The following GCN1 variants were observed in gnomAD, a reference collection of about 807,000 sequenced individuals.
The protein encoded by GCN1 is GCN1 activator of EIF2AK4, also known as stalled ribosome sensor GCN1.
GCN1 carries 90 observed loss-of-function variants against 288.4 expected under a neutral mutation model. The ratio of observed to expected loss-of-function variants is 0.31; its 90% CI spans 0.26 to 0.37. GCN1 has a LOEUF of 0.37. Ranked by LOEUF, GCN1 falls within the 10% of genes least tolerant of loss-of-function variation. GCN1 has a pLI of 1.00. For synonymous variants in GCN1, 1,386 were observed against 1,420.2 expected, an observed-to-expected ratio of 0.98 and a Z score of 0.54; for missense variants, 2,586 against 3,419.9, an observed-to-expected ratio of 0.76 and a Z score of 6.08.
Position 120,134,649 on chromosome 12 carries a change from C to A in GCN1, c.7086G>T (p.Gly2362=). 3 of 1,613,834 alleles carry A rather than the reference C, an allele frequency of 1.9e-6. No individual in the cohort carries two copies. The highest frequency in any genetic ancestry group is 2.5e-6 in the Non-Finnish European group (3 of 1,179,950). ...GAGCATCTGCGGCCTTCAGGCGCAC[C>A]CCCCGGTTGGAGTCCTGCAGGGCTT... ...FTKALQDSNR[G]VRLKAADALG... Residue 2362 remains glycine, a synonymous_variant, in exon 52 of 58, where the codon GGG becomes GGT. Transcript: ENST00000300648. This position sits in a 1 kb window ranked among gnomAD's most constrained non-coding sequence, Gnocchi z 5.0.
At position 120,163,333 on chromosome 12, in the gene GCN1, C is replaced by T. The variant is rs114377980; in HGVS notation, c.1849-74G>A. On this transcript the variant is annotated intron_variant, in intron 18 of 57. Transcript: ENST00000300648. Reference sequence around the variant, plus strand: ...TGGAACACAGGAACCAAATATGCTACGGACACAGCGGCCCCTCACTCAGTT... The same window carrying T: ...TGGAACACAGGAACCAAATATGCTATGGACACAGCGGCCCCTCACTCAGTT... 1.2e-3 allele frequency: 1,396 copies of T among 1,182,230 alleles called. 12 individuals are homozygous for T. The African/African-American group carries it at 0.018, about 15-fold the overall frequency. The allele number at this position is 1,182,230 out of a possible 1,614,324, so 73.2% of individuals were successfully genotyped here. A position where few individuals can be genotyped will look rare whatever the true frequency, so the allele number is the denominator to read the frequency against.
chr12:120,186,999 A>G (rs1328210234), intron 2 of GCN1, among the ~76,000 whole-genome samples: 1 of 152,222 alleles, frequency 6.6e-6, no homozygotes, highest in East Asian at 1.9e-4. Context: ...GAAAGTGACC[A>G]GAAAAACCGT....
At chr12:120,191,448 A>T (rs573229531) in intron 1 of GCN1, among the ~76,000 whole-genome samples, 1 of 152,334 alleles carries the variant, frequency 6.6e-6, no homozygotes, top group Admixed American at 6.5e-5. Flanking sequence ...CAGGTTGTGG[A>T]TTCATAAGCC....
rs1285835208 is a variant in GCN1 at position 120,137,658 on chromosome 12, C to G, written c.6550G>C (p.Ala2184Pro). 1.9e-6 allele frequency: 3 copies of G among 1,614,136 alleles called. No homozygotes were observed. The highest frequency in any genetic ancestry group is 2.5e-6 in the Non-Finnish European group (3 of 1,180,022). ...CTCCGCAGGTGGCTGGTGTAGTCAG[C>G]CTTTGAGCGGGAACAGTAGATGTTG... ...ILNIYCSRSKADYTSHLRSLV... is the reference protein window; with the variant it reads ...ILNIYCSRSKPDYTSHLRSLV... Residue 2184 changes from alanine to proline, a missense_variant, in exon 49 of 58, where the codon GCT becomes CCT. Ala to Pro is a conservative substitution (Grantham distance 27). Around this residue, in one of 8 missense-constraint regions of GCN1, gnomAD observed 437 missense variants for 570.5 expected, o/e 0.77. Coordinates refer to ENST00000300648, the MANE Select transcript of GCN1 (RefSeq NM_006836.2). This position sits in a 1 kb window ranked among gnomAD's most constrained non-coding sequence, Gnocchi z 5.2.
chr12:120,174,042 C>A, intron 13 of GCN1, 29 bp downstream of exon 13: 1 of 1,324,198 alleles, frequency 7.6e-7, no homozygotes, highest in Non-Finnish European at 1.1e-6. Context: ...GAGTACAGAA[C>A]GCATGCTCAC....
At chr12:120,133,210 T>G (rs983312155) in intron 53 of GCN1, among the ~76,000 whole-genome samples, 2 of 151,658 alleles carry the variant, frequency 1.3e-5, no homozygotes, top group Admixed American at 6.6e-5. Context: ...TGTGTGTGGG[T>G]GTGTGTGTGT....
rs1279401268 is a variant in GCN1, at chr12:120,148,324, T to C, written c.4569A>G (p.Ala1523=). 3 of 1,613,720 alleles carry C rather than the reference T, an allele frequency of 1.9e-6. No individual in the cohort carries two copies. The highest frequency in any genetic ancestry group is 2.2e-5 in the East Asian group (1 of 44,874). Reference sequence around the variant, plus strand: ...GCTGCTTAGGAGCACAGTACGCCATTGCCCCAAGAAGCTCCACTGACCCTG... The same window carrying C: ...GCTGCTTAGGAGCACAGTACGCCATCGCCCCAAGAAGCTCCACTGACCCTG... ...TKAGSVELLG[A]MAYCAPKQLS... Residue 1523 remains alanine (A), a synonymous_variant, in exon 37 of 58, where the codon GCA becomes GCG. Coordinates refer to ENST00000300648, the MANE Select transcript of GCN1 (RefSeq NM_006836.2).
In GCN1 at chr12:120,173,657, G is replaced by A. The variant is rs1345136552; in HGVS notation, c.1362C>T (p.Tyr454=). The change falls in exon 14 of 58, where the codon TAC becomes TAT. Residue 454 remains tyrosine, a synonymous_variant. Transcript: ENST00000300648. ...TAGCCCTGGGAGTTGTCTTACCCCGGTAAGAGGCCAACATGCACTGCAGGT... is the reference window on the plus strand; with the variant it reads ...TAGCCCTGGGAGTTGTCTTACCCCGATAAGAGGCCAACATGCACTGCAGGT... ...HAYLQCMLAS[Y]RGDTLLQALD... is the part of the protein sequence containing the mutation. The A allele has an allele frequency of 1.2e-6, 2 of 1,602,414 alleles. No individual in the cohort carries two copies. Among genetic ancestry groups the A allele is most frequent in the East Asian group, 2.2e-5 (1 of 44,838 alleles).
intron 16 of GCN1, among the ~76,000 whole-genome samples, chr12:120,167,349 T>A: frequency 9.7e-6 from 1 of 102,670 alleles, no homozygotes; most frequent in Non-Finnish European, 1.8e-5. Flanking sequence ...CGAAACTCCA[T>A]CTCAAAAAAA....
intron 42 of GCN1, among the ~76,000 whole-genome samples, chr12:120,143,588 G>A (rs60150098): frequency 0.35 from 42,045 of 118,980 alleles, 8,529 homozygotes; most frequent in African/African-American, 0.6. Flanking sequence ...TCTCAAAAAG[G>A]AAAAAAAAAA....
chr12:120,163,265 T>G lies in GCN1; in HGVS notation c.1849-6A>C, dbSNP rs768358798. 4.0e-5 allele frequency: 65 copies of G among 1,611,288 alleles called. No individual in the cohort carries two copies. Among genetic ancestry groups the G allele is most frequent in the Non-Finnish European group, 5.1e-5 (60 of 1,177,676 alleles). On this transcript the variant is annotated splice_region_variant and splice_polypyrimidine_tract_variant and intron_variant, in intron 18 of 57. Coordinates refer to ENST00000300648, the MANE Select transcript of GCN1 (RefSeq NM_006836.2). ...AAAGCCTCTAAGGGCAGCACCTGTG[T>G]GGAGACACATGAGATAATACTGCTA...
At position 120,168,812 on chromosome 12, in the gene GCN1, C is replaced by T. The variant is rs541304311; in HGVS notation, c.1520-512G>A. Among the ~76,000 whole-genome samples the T allele has an allele frequency of 3.9e-5, 6 of 152,232 alleles. No homozygotes were observed. In the South Asian group the frequency reaches 8.3e-4, roughly 21 times the overall value. On this transcript the variant is annotated intron_variant, in intron 15 of 57. Coordinates refer to ENST00000300648, the MANE Select transcript of GCN1 (RefSeq NM_006836.2). Reference sequence around the variant, plus strand: ...ACGGATATATTTCTGTATTTCCTCGCGCCTACTGTGAAGTAAGCACCCTGA... The same window carrying T: ...ACGGATATATTTCTGTATTTCCTCGTGCCTACTGTGAAGTAAGCACCCTGA...
chr12:120,176,948 T>G (rs1353644073), intron 9 of GCN1, among the ~76,000 whole-genome samples: 2 of 152,162 alleles, frequency 1.3e-5, no homozygotes, highest in Admixed American at 1.3e-4. Flanking sequence ...GTATTTTTAT[T>G]AGAGACAGGG....
Position 120,139,088 on chromosome 12 carries a change from T to C in GCN1, c.5995-232A>G, listed in dbSNP as rs145826739. 1,143 of 355,758 alleles carry C rather than the reference T, an allele frequency of 3.2e-3. 25 individuals carry two copies. Among genetic ancestry groups the C allele is most frequent in the African/African-American group, 0.023 (1,066 of 47,336 alleles). 22.0% of individuals were successfully genotyped at this position (355,758 alleles called of 1,614,324 possible). ...ACTTTGGGAGGCCAAGGTGGGCGGATGACTTGAGGCCAGGAGTTCGAGACC... is the reference window on the plus strand; with the variant it reads ...ACTTTGGGAGGCCAAGGTGGGCGGACGACTTGAGGCCAGGAGTTCGAGACC... On this transcript the variant is annotated intron_variant, in intron 45 of 57. Coordinates refer to ENST00000300648, the MANE Select transcript of GCN1 (RefSeq NM_006836.2).
Position 120,156,056 on chromosome 12 carries a change from T to C in GCN1, c.3313-337A>G, listed in dbSNP as rs1417732799. On this transcript the variant is annotated intron_variant, in intron 28 of 57. Coordinates refer to ENST00000300648, the MANE Select transcript of GCN1 (RefSeq NM_006836.2). The surrounding 1 kb of genome is among the most constrained non-coding windows in gnomAD (Gnocchi z 5.8). ...AAGCCAGTGAAAACTCTGTCACATA[T>C]CAATAGCAGGAGGCTGTGGATCAGC... Among the ~76,000 whole-genome samples the C allele has an allele frequency of 3.3e-5, 5 of 152,324 alleles. No homozygotes were observed. The East Asian group carries it at 9.6e-4, about 29-fold the overall frequency.
chr12:120,178,203 C>T (rs771647993), intron 7 of GCN1, among the ~76,000 whole-genome samples: 3 of 152,184 alleles, frequency 2.0e-5, no homozygotes, highest in African/African-American at 7.2e-5. Context: ...TGGAGTCTCA[C>T]GACTTCTCAC....
chr12:120,130,881 C>T (rs1257372904), intron 55 of GCN1, 128 bp from the exon 56 acceptor site: 2 of 634,800 alleles, frequency 3.2e-6, no homozygotes, highest in East Asian at 2.7e-5. Context: ...TACACCATGA[C>T]AGCTCTCAGG....
Position 120,156,694 on chromosome 12 carries a change from T to C in GCN1, c.3169-90A>G. On this transcript the variant is annotated intron_variant, in intron 27 of 57. Coordinates refer to ENST00000300648, the MANE Select transcript of GCN1 (RefSeq NM_006836.2). This position sits in a 1 kb window ranked among gnomAD's most constrained non-coding sequence, Gnocchi z 5.8. Reference sequence around the variant, plus strand: ...GATATGCACTGAGAACACCCACCCCTACAGCACTGCAAGGGCTAAGACCCC... The same window carrying C: ...GATATGCACTGAGAACACCCACCCCCACAGCACTGCAAGGGCTAAGACCCC... 1.5e-6 allele frequency: 2 copies of C among 1,317,292 alleles called. No individual in the cohort carries two copies. The highest frequency in any genetic ancestry group is 2.1e-6 in the Non-Finnish European group (2 of 930,332). The allele number at this position is 1,317,292 out of a possible 1,614,324, so 81.6% of individuals were successfully genotyped here.
At chr12:120,149,097 T>TC (rs549020571) in intron 36 of GCN1, among the ~76,000 whole-genome samples, 2 of 150,914 alleles carry the variant, frequency 1.3e-5, no homozygotes, top group African/African-American at 4.9e-5. Context: ...AGAGCTTTCC[T>TC]GGGGGGGGAA....
Sources: gnomAD v4.1 joint callset for allele counts (sites outside exome capture counted in the v4.1 genomes callset) on GRCh38, gnomAD v4.1.1 for gene constraint, gnomAD v4.1.1 regional missense constraint, Gnocchi (gnomAD v3.1) non-coding constraint, MANE v1.5 for transcripts, NCBI Gene and HGNC (gene_info 2026-07-23, HGNC 2026-07-21) for gene names.